GATB: variants seen among roughly 807,000 people sequenced by gnomAD.
GATB encodes glutamyl-tRNA amidotransferase subunit B.
A neutral mutation model predicts 62.3 loss-of-function variants in GATB; 39 were observed. The ratio of observed to expected loss-of-function variants is 0.63; its 90% CI spans 0.48 to 0.82. The LOEUF (loss-of-function observed/expected upper bound fraction) is 0.82, where lower values mean the gene tolerates loss of function less well. Among genes scored for constraint, GATB ranks in the 40% least tolerant of loss-of-function variants. The pLI is 0.00. For synonymous variants in GATB, 276 were observed against 258.9 expected (o/e 1.07, Z -0.63); for missense variants, 670 against 684.0 (o/e 0.98, Z 0.23).
chr4:151,679,843 G>A lies in GATB; in HGVS notation c.1380C>T (p.Ser460=), dbSNP rs774488466. ...TAGCTGCTGATGAAGAAATTGTTCT[G>A]CTGTCCAGCAGGTCAAGAAGCTCAG... is the stretch of plus-strand genomic sequence containing the variant. ...ALAELLDLLD[S]RTISSSAAKQ... Residue 460 remains serine (S), a synonymous_variant, in exon 11 of 13, where the codon AGC becomes AGT. Coordinates refer to ENST00000263985, the MANE Select transcript of GATB (RefSeq NM_004564.3). The A allele has an allele frequency of 1.2e-6, 2 of 1,614,008 alleles. No homozygotes were observed. The highest frequency in any genetic ancestry group is 1.1e-5 in the South Asian group (1 of 91,084).
chr4:151,709,491 T>C lies in GATB; in HGVS notation c.764-1390A>G, dbSNP rs1738776704. Among the ~76,000 whole-genome samples the C allele has an allele frequency of 2.0e-5, 3 of 152,210 alleles. No individual in the cohort carries two copies. The South Asian group carries it at 6.2e-4, about 32-fold the overall frequency. On this transcript the variant is annotated intron_variant, in intron 5 of 12. Coordinates refer to ENST00000263985, the MANE Select transcript of GATB (RefSeq NM_004564.3). ...CATCTCAGGAAGTCCCAACTATTCCTGACACCGTGAGACTCTCGGTCTAGG... is the reference window on the plus strand; with the variant it reads ...CATCTCAGGAAGTCCCAACTATTCCCGACACCGTGAGACTCTCGGTCTAGG...
At chr4:151,744,822 G>C (rs1739564938) in intron 2 of GATB, among the ~76,000 whole-genome samples, 1 of 152,202 alleles carries the variant, frequency 6.6e-6, no homozygotes, top group African/African-American at 2.4e-5. Flanking sequence ...AGTCATCATT[G>C]TCATGAGTCA....
intron 5 of GATB, 26 bp downstream of exon 5, chr4:151,715,983 A>C: frequency 6.2e-7 from 1 of 1,611,042 alleles, no homozygotes; most frequent in Non-Finnish European, 8.5e-7. Context: ...AGAGGGAAAG[A>C]AGAATACTGC....
At position 151,688,829 on chromosome 4, in the gene GATB, G is replaced by A. The variant is rs970625367; in HGVS notation, c.1198-66C>T. 3 of 1,495,974 alleles carry A rather than the reference G, an allele frequency of 2.0e-6. No individual in the cohort carries two copies. The Admixed American group carries it at 6.9e-5, about 34-fold the overall frequency. 92.7% of individuals were successfully genotyped at this position (1,495,974 alleles called of 1,614,324 possible). On this transcript the variant is annotated intron_variant, in intron 9 of 12. Coordinates refer to ENST00000263985, the MANE Select transcript of GATB (RefSeq NM_004564.3). ...AAAAATGAAAGATCAGCATTCTGAA[G>A]GCAAATCTGAAACTGTCCCCTCTGC... is the stretch of plus-strand genomic sequence containing the variant.
chr4:151,741,289 G>A (rs1358923496), intron 2 of GATB, among the ~76,000 whole-genome samples: 3 of 152,162 alleles, frequency 2.0e-5, no homozygotes, highest in Non-Finnish European at 2.9e-5. Flanking sequence ...GAGGGTAACT[G>A]AAACTACACA....
chr4:151,731,043 G>A (rs565925326), intron 2 of GATB, among the ~76,000 whole-genome samples: 237 of 152,278 alleles, frequency 1.6e-3, no homozygotes, highest in Non-Finnish European at 2.6e-3. Flanking sequence ...AAGAAGTGAA[G>A]GGAGAAATAT....
At chr4:151,683,174 T>C (rs575859691) in intron 10 of GATB, among the ~76,000 whole-genome samples, 176 of 130,664 alleles carry the variant, frequency 1.3e-3, no homozygotes, top group Non-Finnish European at 2.1e-3. Context: ...TGCAGTCACT[T>C]GCGTCTGCCC....
chr4:151,676,298 G>A (rs997678676), intron 11 of GATB: 5 of 152,200 alleles, frequency 3.3e-5, no homozygotes, highest in Non-Finnish European at 5.9e-5. Flanking sequence ...AGACCACAAA[G>A]TAGACAAGAG....
intron 2 of GATB, among the ~76,000 whole-genome samples, chr4:151,747,805 G>A (rs941192895): frequency 3.9e-5 from 6 of 152,150 alleles, no homozygotes; most frequent in Non-Finnish European, 8.8e-5. Context: ...GAGTGAGGGG[G>A]AAACAGAAAC....
chr4:151,723,847 A>C (rs1025203720), intron 2 of GATB: 2 of 152,252 alleles, frequency 1.3e-5, no homozygotes, highest in Admixed American at 6.5e-5. Flanking sequence ...AGATGAGATA[A>C]ATACACAGTG....
intron 5 of GATB, among the ~76,000 whole-genome samples, chr4:151,712,008 C>G (rs1738827188): frequency 1.3e-5 from 2 of 152,158 alleles, no homozygotes; most frequent in Non-Finnish European, 2.9e-5. Flanking sequence ...AACCAAATTG[C>G]AATACTTGGG....
intron 10 of GATB, among the ~76,000 whole-genome samples, chr4:151,687,741 C>G (rs1738280518): frequency 6.6e-6 from 1 of 152,112 alleles, no homozygotes; most frequent in African/African-American, 2.4e-5. Flanking sequence ...TTCTCTCCCT[C>G]CCCCCTTCCT....
chr4:151,759,935 T>G (rs941508308), intron 1 of GATB, among the ~76,000 whole-genome samples: 1 of 152,194 alleles, frequency 6.6e-6, no homozygotes. Context: ...GGAATTAAAG[T>G]AGGAACTCAT....
chr4:151,683,610 A>G (rs1738189039), intron 10 of GATB, among the ~76,000 whole-genome samples: 1 of 152,156 alleles, frequency 6.6e-6, no homozygotes, highest in Admixed American at 6.5e-5. Flanking sequence ...ACACCTAGAC[A>G]ATGTGCTCTA....
At chr4:151,711,465 C>T (rs756725186) in intron 5 of GATB, among the ~76,000 whole-genome samples, 1 of 152,190 alleles carries the variant, frequency 6.6e-6, no homozygotes, top group East Asian at 1.9e-4. Context: ...TCGCTTACCT[C>T]GTGGCCCATT....
chr4:151,695,084 G>A (rs10031175), intron 9 of GATB, among the ~76,000 whole-genome samples: 22,347 of 152,142 alleles, frequency 0.15, 1,949 homozygotes, highest in African/African-American at 0.25. Flanking sequence ...GTGCTGATTC[G>A]AGGGCTCGCA....
intron 5 of GATB, among the ~76,000 whole-genome samples, chr4:151,708,827 C>A (rs1300237539): frequency 6.6e-6 from 1 of 152,066 alleles, no homozygotes; most frequent in East Asian, 1.9e-4. Flanking sequence ...CCCTGGAGGC[C>A]CCTCAGATTA....
intron 11 of GATB, chr4:151,677,200 T>A (rs1738025650): frequency 6.6e-6 from 1 of 152,248 alleles, no homozygotes; most frequent in African/African-American, 2.4e-5. Flanking sequence ...CAAGCCATGC[T>A]TGGACTCTTC....
chr4:151,706,577 T>C (rs1405214590), intron 6 of GATB, among the ~76,000 whole-genome samples: 1 of 152,198 alleles, frequency 6.6e-6, no homozygotes, highest in East Asian at 1.9e-4. Flanking sequence ...CCATCTTTAG[T>C]CTGCCTTCAT....
Sources: allele counts gnomAD v4.1 joint callset (sites outside exome capture counted in the v4.1 genomes callset), GRCh38; gene constraint gnomAD v4.1.1; transcripts MANE v1.5; gene names NCBI Gene and HGNC (gene_info 2026-07-23, HGNC 2026-07-21).